LEKR1: variants seen among roughly 807,000 people sequenced by gnomAD.
The protein encoded by LEKR1 is protein LEKR1.
A neutral mutation model predicts 72.4 loss-of-function variants in LEKR1; 59 were observed. The ratio of observed to expected loss-of-function variants is 0.82; its 90% confidence interval spans 0.66 to 1.01. The LOEUF (loss-of-function observed/expected upper bound fraction) is 1.01. Among genes scored for constraint, LEKR1 ranks in the 50% least tolerant of loss-of-function variants. The pLI, the probability that LEKR1 is intolerant of heterozygous loss-of-function variation, is 0.00. For synonymous variants in LEKR1, 257 were observed against 263.2 expected (o/e 0.98, Z 0.23); for missense variants, 728 against 759.2 (o/e 0.96, Z 0.48).
At chr3:156,899,375 T>C (rs1178611679) in intron 3 of LEKR1, among the ~76,000 whole-genome samples, 8 of 117,480 alleles carry the variant, frequency 6.8e-5, no homozygotes, top group African/African-American at 1.0e-4. Context: ...TATATACATA[T>C]ATACACATAT....
intron 7 of LEKR1, among the ~76,000 whole-genome samples, chr3:156,983,501 G>A (rs1257007017): frequency 1.3e-5 from 2 of 152,006 alleles, no homozygotes; most frequent in Admixed American, 1.3e-4. Flanking sequence ...TTATGTCTGG[G>A]GTGGCTCCAA....
intron 6 of LEKR1, among the ~76,000 whole-genome samples, chr3:156,975,993 T>A (rs571041929): frequency 5.3e-5 from 8 of 152,154 alleles, no homozygotes; most frequent in Non-Finnish European, 1.2e-4. Context: ...ATTTAACAAC[T>A]CCTTGCCTCA....
Position 156,993,244 on chromosome 3 carries a change from C to T in LEKR1, c.1076C>T (p.Thr359Ile). The T allele has an allele frequency of 9.9e-6, 16 of 1,608,752 alleles. No individual in the cohort carries two copies. The highest frequency in any genetic ancestry group is 1.3e-5 in the African/African-American group (1 of 74,486). Residue 359 changes from threonine to isoleucine, a missense_variant, in exon 9 of 13, where the codon ACA becomes ATA. Thr to Ile is a moderately conservative substitution (Grantham distance 89, BLOSUM62 -1). Coordinates refer to ENST00000356539, the MANE Select transcript of LEKR1 (RefSeq NM_001004316.3). ...LEITKTLLNQ[T>I]REEVLTLKNE... Reference sequence around the variant, plus strand: ...ATAACCAAAACTCTTCTGAATCAGACAAGGGAAGAGGTTTTAACACTGAAA... The same window carrying T: ...ATAACCAAAACTCTTCTGAATCAGATAAGGGAAGAGGTTTTAACACTGAAA...
chr3:156,835,954 A>T (rs769175119), intron 2 of LEKR1, among the ~76,000 whole-genome samples: 8 of 133,856 alleles, frequency 6.0e-5, no homozygotes, highest in Non-Finnish European at 1.1e-4. Flanking sequence ...ACTCACTGCA[A>T]CCTTCGCCTC....
intron 11 of LEKR1, among the ~76,000 whole-genome samples, chr3:157,026,742 G>A (rs1317719051): frequency 6.6e-6 from 1 of 152,116 alleles, no homozygotes; most frequent in African/African-American, 2.4e-5. Context: ...TTCTTAGTGG[G>A]CTAGTTTCTT....
Position 157,028,086 on chromosome 3 carries a change from T to G in LEKR1, c.1369-17T>G, listed in dbSNP as rs1180121174. The G allele has an allele frequency of 1.9e-5, 29 of 1,511,864 alleles. No homozygotes were observed. The highest frequency in any genetic ancestry group is 2.6e-5 in the Non-Finnish European group (29 of 1,122,894). 93.7% of individuals were successfully genotyped at this position (1,511,864 alleles called of 1,614,324 possible). Reference sequence around the variant, plus strand: ...AGAAACTATCGCCTACAAGCTAATATGAGATTTATCTTACAGATATCTGAC... The same window carrying G: ...AGAAACTATCGCCTACAAGCTAATAGGAGATTTATCTTACAGATATCTGAC... On this transcript the variant is annotated splice_polypyrimidine_tract_variant and intron_variant, in intron 11 of 12. Coordinates refer to ENST00000356539, the MANE Select transcript of LEKR1 (RefSeq NM_001004316.3).
In LEKR1 at chr3:156,892,038, C is replaced by T. The variant is rs568451628; in HGVS notation, c.264-28537C>T. On this transcript the variant is annotated intron_variant, in intron 3 of 12. Coordinates refer to ENST00000356539, the MANE Select transcript of LEKR1 (RefSeq NM_001004316.3). The stretch of plus-strand genomic sequence containing the variant: ...TACTATTAAAGGTAGCCCCCCGCCC[C>T]GCTACCAAAAAAAAAAATCAGCAAC... Among the ~76,000 whole-genome samples, 24 of 151,728 alleles carry T rather than the reference C, an allele frequency of 1.6e-4. 1 individual carries two copies. The highest frequency in any genetic ancestry group is 3.4e-3 in the Middle Eastern group (1 of 294).
At chr3:156,851,726 G>T (rs1298775420) in intron 2 of LEKR1, among the ~76,000 whole-genome samples, 1 of 151,912 alleles carries the variant, frequency 6.6e-6, no homozygotes, top group Non-Finnish European at 1.5e-5. Context: ...TTGGTAGGCA[G>T]ATATGGTGGC....
At chr3:157,006,772 CT>C (rs2108019326) in intron 9 of LEKR1, among the ~76,000 whole-genome samples, 1 of 152,330 alleles carries the variant, frequency 6.6e-6, no homozygotes, top group Admixed American at 6.5e-5. Context: ...TACTGTATGA[CT>C]TCAGAATCAT....
At chr3:157,006,115 C>T (rs1329077773) in intron 9 of LEKR1, among the ~76,000 whole-genome samples, 5 of 151,838 alleles carry the variant, frequency 3.3e-5, no homozygotes, top group African/African-American at 1.2e-4. Flanking sequence ...ACGCCATTCT[C>T]CTGCCTCAGC....
intron 4 of LEKR1, among the ~76,000 whole-genome samples, chr3:156,927,109 T>G (rs1007244839): frequency 6.6e-6 from 1 of 151,982 alleles, no homozygotes. Flanking sequence ...TTCTCTGACC[T>G]AATTTTCTTC....
intron 3 of LEKR1, among the ~76,000 whole-genome samples, chr3:156,906,197 C>T (rs1166603030): frequency 6.6e-6 from 1 of 151,970 alleles, no homozygotes; most frequent in Non-Finnish European, 1.5e-5. Context: ...AAAGTATTTC[C>T]TTTTAGAATA....
intron 9 of LEKR1, among the ~76,000 whole-genome samples, chr3:157,004,241 T>G (rs1238411525): frequency 1.3e-5 from 2 of 152,180 alleles, no homozygotes; most frequent in African/African-American, 4.8e-5. Flanking sequence ...GAAGTTCATT[T>G]TATAATGATA....
chr3:156,975,297 C>T (rs1392626003), intron 6 of LEKR1, among the ~76,000 whole-genome samples: 1 of 151,912 alleles, frequency 6.6e-6, no homozygotes, highest in African/African-American at 2.4e-5. Flanking sequence ...TTCTATTTTA[C>T]ATTAAAAAAA....
At chr3:157,004,920 G>C (rs1159156670) in intron 9 of LEKR1, among the ~76,000 whole-genome samples, 1 of 151,854 alleles carries the variant, frequency 6.6e-6, no homozygotes, top group African/African-American at 2.4e-5. Context: ...TCCCAAGATA[G>C]GCAGAAGAAA....
intron 5 of LEKR1, among the ~76,000 whole-genome samples, chr3:156,937,173 G>GAAC (rs58343127): frequency 1.5e-3 from 231 of 151,208 alleles, no homozygotes; most frequent in Middle Eastern, 3.4e-3. Context: ...AGAACAGCAA[G>GAAC]AACAACAACA....
intron 3 of LEKR1, among the ~76,000 whole-genome samples, chr3:156,892,939 A>G (rs1720808356): frequency 6.6e-6 from 1 of 152,202 alleles, no homozygotes; most frequent in Non-Finnish European, 1.5e-5. Context: ...GCAATGAAGG[A>G]GTCATCCAAA....
chr3:156,898,185 C>A (rs1239826378), intron 3 of LEKR1, among the ~76,000 whole-genome samples: 1 of 152,056 alleles, frequency 6.6e-6, no homozygotes, highest in Non-Finnish European at 1.5e-5. Flanking sequence ...TTTGCAGGGC[C>A]ATTTCAAGTT....
At chr3:156,868,257 G>A (rs16826879) in intron 3 of LEKR1, among the ~76,000 whole-genome samples, 2,932 of 152,160 alleles carry the variant, frequency 0.019, 86 homozygotes, top group African/African-American at 0.067. Context: ...GTGGTTTCAC[G>A]TAGTTGGAAA....
Sources: gnomAD v4.1 joint callset for allele counts (sites outside exome capture counted in the v4.1 genomes callset) on GRCh38, gnomAD v4.1.1 for gene constraint, MANE v1.5 for transcripts, NCBI Gene and HGNC (gene_info 2026-07-23, HGNC 2026-07-21) for gene names.